GABRB1: variants seen among roughly 807,000 people sequenced by gnomAD.
GABRB1 encodes gamma-aminobutyric acid type A receptor subunit beta1, also known as gamma-aminobutyric acid receptor subunit beta-1.
Under a neutral mutation model 51.6 loss-of-function variants are expected in GABRB1, and 17 were observed. The ratio of observed to expected loss-of-function variants is 0.33; its 90% CI spans 0.23 to 0.49. GABRB1 has a LOEUF of 0.49. Among genes scored for constraint, GABRB1 ranks in the 20% least tolerant of loss-of-function variants. The probability of loss-of-function intolerance (pLI) is 0.99; values close to 1 mark genes in which losing one functional copy is unlikely to be tolerated. For synonymous variants in GABRB1, 247 were observed against 218.9 expected, an observed-to-expected ratio of 1.13 and a Z score of -1.14; for missense variants, 410 against 600.6, an observed-to-expected ratio of 0.68 and a Z score of 3.32.
chr4:47,292,997 C>T (rs1723808093), intron 4 of GABRB1, among the ~76,000 whole-genome samples: 1 of 152,176 alleles, frequency 6.6e-6, no homozygotes, highest in Non-Finnish European at 1.5e-5. Flanking sequence ...AATCATAGCA[C>T]AAACACTCTG....
At chr4:47,068,127 G>C (rs1727164428) in intron 3 of GABRB1, among the ~76,000 whole-genome samples, 1 of 152,078 alleles carries the variant, frequency 6.6e-6, no homozygotes, top group African/African-American at 2.4e-5. Flanking sequence ...ACCTTTGCTA[G>C]CTTCAAACTT....
intron 4 of GABRB1, among the ~76,000 whole-genome samples, chr4:47,179,207 T>C (rs991785617): frequency 6.6e-6 from 1 of 152,084 alleles, no homozygotes; most frequent in Non-Finnish European, 1.5e-5. Flanking sequence ...TGAGTGATAA[T>C]ATGTGATGCT....
intron 3 of GABRB1, among the ~76,000 whole-genome samples, chr4:47,089,862 T>C (rs1728223450): frequency 6.6e-6 from 1 of 152,140 alleles, no homozygotes; most frequent in African/African-American, 2.4e-5. Flanking sequence ...AGTAATTACA[T>C]TTAAAAAATA....
chr4:47,290,497 G>T (rs759342829), intron 4 of GABRB1, among the ~76,000 whole-genome samples: 1 of 152,186 alleles, frequency 6.6e-6, no homozygotes, highest in Non-Finnish European at 1.5e-5. Flanking sequence ...CGAAAATGTG[G>T]AACTGACTTT....
intron 3 of GABRB1, among the ~76,000 whole-genome samples, chr4:47,143,842 C>T (rs1342285701): frequency 1.3e-5 from 2 of 151,932 alleles, no homozygotes; most frequent in African/African-American, 4.8e-5. Context: ...ATGATTGCTC[C>T]TTTTGTATGG....
At chr4:47,081,133 G>A (rs1049040409) in intron 3 of GABRB1, among the ~76,000 whole-genome samples, 2 of 152,232 alleles carry the variant, frequency 1.3e-5, no homozygotes, top group African/African-American at 2.4e-5. Flanking sequence ...ATGACATAAC[G>A]AAGCCTTTGA....
intron 2 of GABRB1, 76 bp downstream of exon 2, chr4:47,032,081 AAAAAAG>A: frequency 3.1e-5 from 30 of 953,728 alleles, no homozygotes; most frequent in South Asian, 2.0e-4. Context: ...GTCAAAAAAA[AAAAAAG>A]AAAAGGCATG....
chr4:47,075,860 A>C (rs1727524432), intron 3 of GABRB1, among the ~76,000 whole-genome samples: 1 of 152,120 alleles, frequency 6.6e-6, no homozygotes, highest in South Asian at 2.1e-4. Context: ...TTTTTCAAAA[A>C]ATGCAGGAGT....
intron 4 of GABRB1, among the ~76,000 whole-genome samples, chr4:47,203,567 AG>A (rs763507873): frequency 6.6e-6 from 1 of 152,154 alleles, no homozygotes; most frequent in Non-Finnish European, 1.5e-5. Context: ...TAAAGAGGAT[AG>A]AAATACCTCT....
chr4:47,236,337 AG>A (rs1390945721), intron 4 of GABRB1, among the ~76,000 whole-genome samples: 1 of 152,104 alleles, frequency 6.6e-6, no homozygotes. Context: ...TAAAAAAAAA[AG>A]TCATTTTAGC....
At chr4:47,325,485 C>A (rs147595490) in intron 5 of GABRB1, among the ~76,000 whole-genome samples, 3 of 152,076 alleles carry the variant, frequency 2.0e-5, no homozygotes, top group African/African-American at 7.2e-5. Flanking sequence ...AAACTGTCCA[C>A]TTCTTAACTT....
At chr4:47,031,009 C>T (rs1380455461), upstream of GABRB1, among the ~76,000 whole-genome samples, 6 of 152,126 alleles carry the variant, frequency 3.9e-5, no homozygotes, top group East Asian at 9.6e-4. Context: ...CTACAGAAGT[C>T]TACACCAAGC....
chr4:47,247,924 G>C (rs1046989950), intron 4 of GABRB1, among the ~76,000 whole-genome samples: 13 of 151,998 alleles, frequency 8.6e-5, no homozygotes, highest in African/African-American at 3.1e-4. Context: ...GAGTCTTTAG[G>C]GTTTTCAAGG....
At chr4:47,044,539 C>T (rs1202755411) in intron 3 of GABRB1, among the ~76,000 whole-genome samples, 1 of 151,864 alleles carries the variant, frequency 6.6e-6, no homozygotes, top group African/African-American at 2.4e-5. Flanking sequence ...TTCTGCTTTA[C>T]CTGTTTCAGA....
chr4:47,383,995 G>A (rs763329661), intron 5 of GABRB1, among the ~76,000 whole-genome samples: 14 of 152,020 alleles, frequency 9.2e-5, no homozygotes, highest in East Asian at 1.9e-4. Context: ...GTATCATGTC[G>A]CTGCCTATGA....
intron 5 of GABRB1, among the ~76,000 whole-genome samples, chr4:47,399,756 G>A (rs1728315921): frequency 6.6e-6 from 1 of 152,106 alleles, no homozygotes. Flanking sequence ...TGTCCTTTAT[G>A]CCTATATTCT....
intron 3 of GABRB1, among the ~76,000 whole-genome samples, chr4:47,134,646 A>G (rs1249220304): frequency 6.6e-6 from 1 of 152,226 alleles, no homozygotes; most frequent in African/African-American, 2.4e-5. Flanking sequence ...TCAAATTTCT[A>G]GATGTGTGAT....
chr4:47,136,310 T>C (rs1716646615), intron 3 of GABRB1, among the ~76,000 whole-genome samples: 1 of 152,088 alleles, frequency 6.6e-6, no homozygotes. Context: ...AGATTTTCCT[T>C]TCCCTGGAAC....
At chr4:47,238,846 A>G (rs1343941953) in intron 4 of GABRB1, among the ~76,000 whole-genome samples, 1 of 152,218 alleles carries the variant, frequency 6.6e-6, no homozygotes, top group East Asian at 1.9e-4. Flanking sequence ...TTAAATAAAT[A>G]CTAAGTCTTG....
Sources: gnomAD v4.1 joint callset for allele counts (sites outside exome capture counted in the v4.1 genomes callset) on GRCh38, gnomAD v4.1.1 for gene constraint, MANE v1.5 for transcripts, NCBI Gene and HGNC (gene_info 2026-07-23, HGNC 2026-07-21) for gene names.